Variants in ARHGAP42 observed in about 807,000 individuals in gnomAD.
ARHGAP42 encodes rho GTPase-activating protein 42.
ARHGAP42 carries 63 observed loss-of-function variants against 125.0 expected under a neutral mutation model. The observed-to-expected ratio is 0.50, with a 90% CI of 0.41 to 0.62. The LOEUF (loss-of-function observed/expected upper bound fraction) is 0.62, where lower values mean the gene tolerates loss of function less well. Among genes scored for constraint, ARHGAP42 ranks in the 20% least tolerant of loss-of-function variants. The pLI, the probability that ARHGAP42 is intolerant of heterozygous loss-of-function variation, is 0.00. For missense variants in ARHGAP42, 766 were observed against 1,024.2 expected, an observed-to-expected ratio of 0.75 and a Z score of 3.44; for synonymous variants, 339 against 351.0, an observed-to-expected ratio of 0.97 and a Z score of 0.38.
chr11:100,934,472 A>AT (rs1221845867), intron 7 of ARHGAP42, among the ~76,000 whole-genome samples: 1 of 152,220 alleles, frequency 6.6e-6, no homozygotes, highest in African/African-American at 2.4e-5. Flanking sequence ...ATCAGAATTT[A>AT]TTTTGTAAAG....
intron 17 of ARHGAP42, among the ~76,000 whole-genome samples, chr11:100,968,230 C>T (rs1858149477): frequency 6.6e-6 from 1 of 152,152 alleles, no homozygotes; most frequent in Non-Finnish European, 1.5e-5. Flanking sequence ...TTGGATCTTA[C>T]TGTTTTTTAA....
intron 1 of ARHGAP42, among the ~76,000 whole-genome samples, chr11:100,749,437 T>A (rs1424601360): frequency 6.6e-6 from 1 of 150,466 alleles, no homozygotes; most frequent in Non-Finnish European, 1.5e-5. Context: ...ATGTCTCACC[T>A]GGCCTGTCCC....
intron 3 of ARHGAP42, among the ~76,000 whole-genome samples, chr11:100,817,712 A>G (rs1332756959): frequency 6.6e-6 from 1 of 152,182 alleles, no homozygotes; most frequent in African/African-American, 2.4e-5. Flanking sequence ...GCACAAGATG[A>G]CTGTTATTAT....
At chr11:100,755,428 A>G (rs1415137968) in intron 1 of ARHGAP42, among the ~76,000 whole-genome samples, 1 of 152,246 alleles carries the variant, frequency 6.6e-6, no homozygotes, top group Non-Finnish European at 1.5e-5. Flanking sequence ...AGTATACACA[A>G]TTTCATTTCT....
chr11:100,802,637 T>TGACGA (rs1289951673), intron 3 of ARHGAP42, among the ~76,000 whole-genome samples: 1 of 49,422 alleles, frequency 2.0e-5, no homozygotes, highest in Admixed American at 2.6e-4. Context: ...TTCACCCTGT[T>TGACGA]GGCGAGTCTC....
At chr11:100,706,140 C>T (rs1311970658) in intron 1 of ARHGAP42, among the ~76,000 whole-genome samples, 1 of 151,892 alleles carries the variant, frequency 6.6e-6, no homozygotes, top group East Asian at 1.9e-4. Context: ...CCACCACGCC[C>T]AGAGTTAGCT....
At chr11:100,958,555 A>G (rs1366536602) in intron 12 of ARHGAP42, among the ~76,000 whole-genome samples, 6 of 152,070 alleles carry the variant, frequency 3.9e-5, no homozygotes, top group Non-Finnish European at 7.4e-5. Context: ...ACATATATAT[A>G]TATTTTTCAA....
chr11:100,715,353 C>T (rs1428147065), intron 1 of ARHGAP42, among the ~76,000 whole-genome samples: 2 of 151,898 alleles, frequency 1.3e-5, no homozygotes, highest in Admixed American at 6.6e-5. Flanking sequence ...ATGGTTTAAC[C>T]CAGTGAATCT....
chr11:100,977,550 TGAA>T (rs1277131661), intron 21 of ARHGAP42, among the ~76,000 whole-genome samples: 2 of 152,094 alleles, frequency 1.3e-5, no homozygotes, highest in Non-Finnish European at 2.9e-5. Context: ...AGAAAGTGGG[TGAA>T]GAAGAACAAT....
chr11:100,859,618 C>T lies in ARHGAP42; in HGVS notation c.377C>T (p.Ala126Val). The change falls in exon 4 of 24, where the codon GCA becomes GTA. Residue 126 changes from alanine (A) to valine (V), a missense_variant. Ala to Val is a moderately conservative substitution (Grantham distance 64). Coordinates refer to ENST00000298815, the MANE Select transcript of ARHGAP42 (RefSeq NM_152432.4). Reference sequence around the variant, plus strand: ...AAATTTCGAAAAGAACAGATAGGTGCAGCAAAAGTAAGTGTTACATTTTAT... The same window carrying T: ...AAATTTCGAAAAGAACAGATAGGTGTAGCAAAAGTAAGTGTTACATTTTAT... ...LEKFRKEQIG[A>V]AKDGKKKFDK... is the part of the protein sequence containing the mutation. The T allele has an allele frequency of 6.7e-7, 1 of 1,493,192 alleles. No individual in the cohort carries two copies. Among genetic ancestry groups the T allele is most frequent in the African/African-American group, 1.4e-5 (1 of 70,088 alleles). The allele number at this position is 1,493,192 out of a possible 1,614,324, so 92.5% of individuals were successfully genotyped here. A position where few individuals can be genotyped will look rare whatever the true frequency, so the allele number is the denominator to read the frequency against.
intron 22 of ARHGAP42, among the ~76,000 whole-genome samples, chr11:100,980,312 A>C (rs145626924): frequency 6.6e-6 from 1 of 152,184 alleles, no homozygotes; most frequent in East Asian, 1.9e-4. Flanking sequence ...GCTTTAGTGT[A>C]AGGGATTTAA....
At chr11:100,812,439 C>T (rs184713327) in intron 3 of ARHGAP42, among the ~76,000 whole-genome samples, 1 of 152,056 alleles carries the variant, frequency 6.6e-6, no homozygotes, top group Non-Finnish European at 1.5e-5. Context: ...TTCCAGTTGG[C>T]AGAAACAGAC....
Position 100,949,976 on chromosome 11 carries a change from A to T in ARHGAP42, c.1162+20A>T, listed in dbSNP as rs1868132191. The T allele has an allele frequency of 1.5e-6, 2 of 1,375,828 alleles. No homozygotes were observed. Among genetic ancestry groups the T allele is most frequent in the East Asian group, 5.1e-5 (2 of 39,258 alleles). The allele number at this position is 1,375,828 out of a possible 1,614,324, so 85.2% of individuals were successfully genotyped here. ...AAGAAAGTAAGTCATTTTAATAGTTATTTAAAATTTTATCATGAAGTTATT... is the reference window on the plus strand; with the variant it reads ...AAGAAAGTAAGTCATTTTAATAGTTTTTTAAAATTTTATCATGAAGTTATT... On this transcript the variant is annotated intron_variant, in intron 12 of 23. Coordinates refer to ENST00000298815, the MANE Select transcript of ARHGAP42 (RefSeq NM_152432.4).
chr11:100,925,712 T>C (rs765135984), intron 6 of ARHGAP42, among the ~76,000 whole-genome samples: 1 of 152,206 alleles, frequency 6.6e-6, no homozygotes, highest in Non-Finnish European at 1.5e-5. Flanking sequence ...CTCTCCGGCC[T>C]AGGTGGCAGA....
Position 100,724,208 on chromosome 11 carries a change from A to T in ARHGAP42, c.154+36376A>T, listed in dbSNP as rs570039137. Among the ~76,000 whole-genome samples, 130 of 152,098 alleles carry T rather than the reference A, an allele frequency of 8.5e-4. 1 individual carries two copies. Among genetic ancestry groups the T allele is most frequent in the Non-Finnish European group, 1.6e-3 (106 of 67,942 alleles). On this transcript the variant is annotated intron_variant, in intron 1 of 23. Transcript: ENST00000298815. ...GGGGGTAATTTTTTAAACAGTTCTT[A>T]GATTCGATTTGCTAGTATTTTGTTG... is the stretch of plus-strand genomic sequence containing the variant.
At chr11:100,695,292 G>C (rs1002414713) in intron 1 of ARHGAP42, among the ~76,000 whole-genome samples, 2 of 152,142 alleles carry the variant, frequency 1.3e-5, no homozygotes, top group African/African-American at 4.8e-5. Flanking sequence ...CATCAGCCTG[G>C]ATATTTCTGG....
intron 3 of ARHGAP42, among the ~76,000 whole-genome samples, chr11:100,804,868 G>C (rs190633207): frequency 2.4e-4 from 36 of 152,302 alleles, no homozygotes; most frequent in African/African-American, 8.7e-4. Flanking sequence ...TTGAGCTTTC[G>C]TGTGAGCCTC....
At chr11:100,837,669 T>TA (rs1408811343) in intron 3 of ARHGAP42, among the ~76,000 whole-genome samples, 3 of 38,562 alleles carry the variant, frequency 7.8e-5, no homozygotes, top group African/African-American at 3.1e-4. Context: ...TGTCATCCTT[T>TA]TTTTTTTTTT....
chr11:100,783,546 G>A (rs1863364303), intron 2 of ARHGAP42, among the ~76,000 whole-genome samples: 1 of 152,168 alleles, frequency 6.6e-6, no homozygotes, highest in African/African-American at 2.4e-5. Flanking sequence ...CTTTTGAATG[G>A]CCAGATCCCT....
Sources: gnomAD v4.1 joint callset for allele counts (sites outside exome capture counted in the v4.1 genomes callset) on GRCh38, gnomAD v4.1.1 for gene constraint, MANE v1.5 for transcripts, NCBI Gene and HGNC (gene_info 2026-07-23, HGNC 2026-07-21) for gene names.